NOP14: variants seen among roughly 807,000 people sequenced by gnomAD.
NOP14 encodes NOP14 nucleolar protein, also known as nucleolar protein 14.
In NOP14, 57 loss-of-function variants were observed where a neutral mutation model predicts 101.6. That is an observed-to-expected ratio of 0.56 (90% CI 0.45 to 0.70). The LOEUF is 0.70. Among genes scored for constraint, NOP14 ranks in the 30% least tolerant of loss-of-function variants. NOP14 has a pLI of 0.00. For missense variants in NOP14, 1,134 were observed against 1,075.5 expected (o/e 1.05, Z -0.76); for synonymous variants, 428 against 424.0 (o/e 1.01, Z -0.12).
chr4:2,951,412 A>T (rs1355910044), intron 6 of NOP14, among the ~76,000 whole-genome samples, 167 bp from the exon 7 acceptor site: 1 of 152,196 alleles, frequency 6.6e-6, no homozygotes, highest in Non-Finnish European at 1.5e-5. Context: ...GCATGCAAAC[A>T]CTAGCTAAGC....
chr4:2,946,993 A>G, intron 10 of NOP14: 1 of 223,486 alleles, frequency 4.5e-6, no homozygotes, highest in Non-Finnish European at 8.9e-6. Context: ...CTCTCAACTG[A>G]GGACTCTGCC....
intron 3 of NOP14, 82 bp from the exon 4 acceptor site, chr4:2,954,645 T>TCTC: frequency 6.7e-7 from 1 of 1,493,368 alleles, no homozygotes; most frequent in African/African-American, 1.4e-5. Flanking sequence ...TGCCAGTGCT[T>TCTC]CCCCCATAGT....
chr4:2,954,375 G>C (rs984153185), intron 4 of NOP14, 49 bp downstream of exon 4: 8 of 1,592,468 alleles, frequency 5.0e-6, no homozygotes, highest in Non-Finnish European at 6.8e-6. Flanking sequence ...ACATTTTGGT[G>C]AGCCTGTCTT....
At chr4:2,959,389 A>C (rs1263330) in intron 1 of NOP14, among the ~76,000 whole-genome samples, 27 of 152,018 alleles carry the variant, frequency 1.8e-4, no homozygotes, top group Non-Finnish European at 3.2e-4. Context: ...TTAGAAGATC[A>C]AGACCATCCT....
chr4:2,945,971 CCG>C, intron 11 of NOP14, among the ~76,000 whole-genome samples: 1 of 124,458 alleles, frequency 8.0e-6, no homozygotes, highest in Admixed American at 7.9e-5. Flanking sequence ...ACCCTCACTG[CCG>C]TGCACTCTCA....
In NOP14 at chr4:2,939,357, G is replaced by C. The variant is rs1411483791; in HGVS notation, c.2319-14C>G. 1.9e-6 allele frequency: 3 copies of C among 1,614,022 alleles called. No homozygotes were observed. The highest frequency in any genetic ancestry group is 1.7e-5 in the Admixed American group (1 of 60,020). Reference sequence around the variant, plus strand: ...CCAAACTCGAGGCTACAACCAGAAAGCCACTGTTAAGGAAGCAAGAGTCTG... The same window carrying C: ...CCAAACTCGAGGCTACAACCAGAAACCCACTGTTAAGGAAGCAAGAGTCTG... On this transcript the variant is annotated splice_polypyrimidine_tract_variant and intron_variant, in intron 16 of 17. Transcript: ENST00000416614.
Position 2,957,723 on chromosome 4 carries a change from T to C in NOP14, c.213A>G (p.Leu71=). 3.7e-6 allele frequency: 6 copies of C among 1,614,108 alleles called. No homozygotes were observed. Among genetic ancestry groups the C allele is most frequent in the Non-Finnish European group, 5.1e-6 (6 of 1,179,992 alleles). The change falls in exon 2 of 18, where the codon CTA becomes CTG. Residue 71 remains leucine, a synonymous_variant. Transcript: ENST00000416614. Reference sequence around the variant, plus strand: ...ATTTATCCCTTTCTTTGTACTCTTTTAGTAAAGTCTGTGTACGCTGGAAAA... The same window carrying C: ...ATTTATCCCTTTCTTTGTACTCTTTCAGTAAAGTCTGTGTACGCTGGAAAA... ...RALRKRTQTL[L]KEYKERDKSN... is the part of the protein sequence containing the mutation.
chr4:2,946,612 C>CA, intron 10 of NOP14, 65 bp from the exon 11 acceptor site: 1 of 1,510,710 alleles, frequency 6.6e-7, no homozygotes, highest in Admixed American at 1.8e-5. Context: ...AAAAGCCCTG[C>CA]AAGCCACTTT....
chr4:2,952,083 G>C (rs1715060329), intron 6 of NOP14, among the ~76,000 whole-genome samples, 192 bp downstream of exon 6: 1 of 150,518 alleles, frequency 6.6e-6, no homozygotes, highest in Admixed American at 6.6e-5. Context: ...CTCTAGCTGG[G>C]TGACAGAGCG....
chr4:2,939,388 A>G (rs1713956862), intron 16 of NOP14, 45 bp from the exon 17 acceptor site: 3 of 1,612,354 alleles, frequency 1.9e-6, no homozygotes, highest in Non-Finnish European at 2.5e-6. Context: ...GTCTGTCCCC[A>G]CCTCTCAGCC....
intron 2 of NOP14, 87 bp downstream of exon 2, chr4:2,957,519 G>T: frequency 2.0e-6 from 3 of 1,514,006 alleles, no homozygotes; most frequent in Non-Finnish European, 2.7e-6. Context: ...CCAGGAACAT[G>T]CAAAACATGC....
chr4:2,944,248 GT>G (rs1383482382), intron 12 of NOP14, 22 bp from the exon 13 acceptor site: 1 of 1,605,484 alleles, frequency 6.2e-7, no homozygotes, highest in African/African-American at 1.3e-5. Flanking sequence ...CATATGGGGG[GT>G]TACTGTCCTG....
intron 1 of NOP14, among the ~76,000 whole-genome samples, 161 bp downstream of exon 1, chr4:2,962,964 G>A (rs1249475779): frequency 6.6e-6 from 1 of 152,228 alleles, no homozygotes; most frequent in African/African-American, 2.4e-5. Context: ...CTCCAGCTCA[G>A]AGAACAGCAG....
In NOP14 at chr4:2,960,694, C is replaced by CATTAATATTAATATATTAATATTATAATT. The variant is rs1560310412; in HGVS notation, c.195+2430_195+2431insAATTATAATATTAATATATTAATATTAAT. On this transcript the variant is annotated intron_variant, in intron 1 of 17. Transcript: ENST00000416614. ...ATTAATATTATATTAATATTATAAT[C>CATTAATATTAATATATTAATATTATAATT]ACATTAATATTAATATATTAATATT... Among the ~76,000 whole-genome samples the CATTAATATTAATATATTAATATTATAATT allele has an allele frequency of 1.7e-3, 190 of 113,970 alleles. 20 individuals carry two copies. Among genetic ancestry groups the CATTAATATTAATATATTAATATTATAATT allele is most frequent in the African/African-American group, 6.5e-3 (180 of 27,690 alleles). The allele number at this position is 113,970 out of a possible 152,430, so 74.8% of individuals were successfully genotyped here.
rs1175102575 is a variant in NOP14, at chr4:2,953,613, G to A, written c.645C>T (p.Leu215=). 13 of 1,614,018 alleles carry A rather than the reference G, an allele frequency of 8.1e-6. No homozygotes were observed. In the Admixed American group the frequency reaches 8.3e-5, roughly 10 times the overall value. ...CTTGGTCTAGCTTCTCCGTGAGCTCGAGGGCATCTTCTCGTTGAGCTTGTC... is the reference window on the plus strand; with the variant it reads ...CTTGGTCTAGCTTCTCCGTGAGCTCAAGGGCATCTTCTCGTTGAGCTTGTC... The part of the protein sequence containing the change: ...RERQAQREDA[L]ELTEKLDQDW... The change falls in exon 5 of 18, where the codon CTC becomes CTT. Residue 215 remains leucine (L), a synonymous_variant. Coordinates refer to ENST00000416614, the MANE Select transcript of NOP14 (RefSeq NM_001291978.2).
rs1449873294 is a variant in NOP14 at position 2,948,307 on chromosome 4, G to C, written c.1384C>G (p.Leu462Val). Residue 462 changes from leucine (L) to valine (V), a missense_variant, in exon 9 of 18, where the codon CTC becomes GTC. Physicochemically the swap from Leu to Val is conservative, Grantham distance 32 (BLOSUM62 1). Transcript: ENST00000416614. ...ERIQKCNHPS[L>V]AEGNKAKLEK... ...AATTTTGCTTTGTTTCCTTCTGCGA[G>C]ACTCGGGTGGTTGCACTTCTGAATT... is the stretch of plus-strand genomic sequence containing the variant. 2 of 1,606,890 alleles carry C rather than the reference G, an allele frequency of 1.2e-6. No individual in the cohort carries two copies. Among genetic ancestry groups the C allele is most frequent in the Admixed American group, 3.5e-5 (2 of 57,154 alleles).
Position 2,939,306 on chromosome 4 carries a change from C to T in NOP14, c.2356G>A (p.Glu786Lys), listed in dbSNP as rs1372662132. ...FGRKQGSSKE[E>K]QERKRLIHKH... Reference sequence around the variant, plus strand: ...TGGATCAGCCTCTTCCTTTCCTGTTCCTCCTTACTACTGCCTTGTTTTCTT... The same window carrying T: ...TGGATCAGCCTCTTCCTTTCCTGTTTCTCCTTACTACTGCCTTGTTTTCTT... Residue 786 changes from glutamate to lysine, a missense_variant, in exon 17 of 18, where the codon GAA becomes AAA. Physicochemically the swap from Glu to Lys is moderately conservative, Grantham distance 56. Coordinates refer to ENST00000416614, the MANE Select transcript of NOP14 (RefSeq NM_001291978.2). The T allele has an allele frequency of 2.5e-6, 4 of 1,614,068 alleles. No individual in the cohort carries two copies. In the South Asian group the frequency reaches 3.3e-5, roughly 13 times the overall value.
chr4:2,942,408 G>C, intron 13 of NOP14, 57 bp from the exon 14 acceptor site: 1 of 1,549,836 alleles, frequency 6.5e-7, no homozygotes, highest in East Asian at 2.3e-5. Flanking sequence ...GCTCCCAGCA[G>C]GCTCTGCGGC....
chr4:2,940,657 G>C (rs1009550475), intron 15 of NOP14: 1 of 152,442 alleles, frequency 6.6e-6, no homozygotes, highest in Non-Finnish European at 1.5e-5. Context: ...CTGTCCTCAT[G>C]GAACTCTCAT....
Sources: gnomAD v4.1 joint callset for allele counts (sites outside exome capture counted in the v4.1 genomes callset) on GRCh38, gnomAD v4.1.1 for gene constraint, MANE v1.5 for transcripts, NCBI Gene and HGNC (gene_info 2026-07-23, HGNC 2026-07-21) for gene names.